Variants in VSIG1 observed in about 807,000 individuals in gnomAD.
VSIG1 encodes V-set and immunoglobulin domain-containing protein 1.
A neutral mutation model predicts 20.1 loss-of-function variants in VSIG1; 11 were observed. The observed-to-expected ratio is 0.55, with a 90% CI of 0.34 to 0.91. VSIG1 has a LOEUF of 0.91. VSIG1 is among the 40% of genes least tolerant of loss of function. The pLI is 0.02. For synonymous variants in VSIG1, 126 were observed against 116.7 expected, an observed-to-expected ratio of 1.08 and a Z score of -0.52; for missense variants, 283 against 298.8, an observed-to-expected ratio of 0.95 and a Z score of 0.39.
chrX:108,022,299 T>C, the VSIG1 span, among the ~76,000 whole-genome samples: 1 of 112,104 alleles, frequency 8.9e-6, no homozygotes, highest in Non-Finnish European at 1.9e-5. Flanking sequence ...ATTTTATTCT[T>C]TTTGATGCTA....
the VSIG1 span, among the ~76,000 whole-genome samples, chrX:108,026,153 A>G: frequency 8.9e-6 from 1 of 112,068 alleles, no homozygotes; most frequent in South Asian, 3.7e-4. Context: ...GACTGGAGAG[A>G]CCAGGTGCAG....
the VSIG1 span, among the ~76,000 whole-genome samples, chrX:108,026,779 C>A: frequency 8.2e-4 from 91 of 111,338 alleles, no homozygotes; most frequent in African/African-American, 2.9e-3. Flanking sequence ...AGAGGAGTTT[C>A]AAGAAGATCA....
rs150378531 is a variant in VSIG1 at position 108,067,226 on chromosome X, C to T, written c.412+92C>T. The T allele has an allele frequency of 5.1e-4, 490 of 957,570 alleles. 5 individuals are homozygous for T. In the East Asian group the frequency reaches 0.013, roughly 26 times the overall value. The allele number at this position is 957,570 out of a possible 1,213,427, so 78.9% of individuals were successfully genotyped here. On this transcript the variant is annotated intron_variant, in intron 3 of 6. Coordinates refer to ENST00000217957, the MANE Select transcript of VSIG1 (RefSeq NM_182607.5). ...GTGAGTTATGATGCCAATTAAGTCT[C>T]TGTAGGTAAATATACTCCCTAATAT...
intron 1 of VSIG1, among the ~76,000 whole-genome samples, chrX:108,051,704 G>A (rs1049773970): frequency 5.4e-5 from 6 of 111,020 alleles, no homozygotes; most frequent in African/African-American, 2.0e-4. Context: ...GGATTTCAAA[G>A]TAGCCATCAT....
chrX:108,062,720 A>T (rs1415641932), intron 2 of VSIG1, among the ~76,000 whole-genome samples: 1 of 111,408 alleles, frequency 9.0e-6, no homozygotes, highest in Admixed American at 9.5e-5. Context: ...ATACAGTCCA[A>T]ATAAAATTCT....
At chrX:108,073,468 G>T in intron 5 of VSIG1, 99 bp downstream of exon 5, 1 of 1,008,237 alleles carries the variant, frequency 9.9e-7, no homozygotes. Context: ...AGTGCTTCCT[G>T]CTTCTCTGGA....
rs1602572862 is a variant in VSIG1, at chrX:108,058,195, A to G, written c.207A>G (p.Pro69=). The part of the protein sequence containing the change: ...WSFFHKKEME[P]ISIYFSQGGQ... ...TCTTCCATAAGAAGGAGATGGAGCC[A>G]ATTTCTGTAAGGACACTTTTTCCTA... The change falls in exon 2 of 7, where the codon CCA becomes CCG. Residue 69 remains proline, a synonymous_variant. Transcript: ENST00000217957. 1 of 1,203,983 alleles carries G rather than the reference A, an allele frequency of 8.3e-7. No individual in the cohort carries two copies. The highest frequency in any genetic ancestry group is 3.0e-5 in the East Asian group (1 of 33,446).
chrX:108,025,070 T>C, the VSIG1 span, among the ~76,000 whole-genome samples: 1 of 111,767 alleles, frequency 8.9e-6, no homozygotes, highest in Non-Finnish European at 1.9e-5. Context: ...ACTATGAATG[T>C]AGAACTGTGT....
At chrX:108,034,107 A>G in the VSIG1 span, among the ~76,000 whole-genome samples, 19 of 110,649 alleles carry the variant, frequency 1.7e-4, no homozygotes, top group African/African-American at 5.6e-4. Context: ...CCTTCCTATC[A>G]GAAGGGCTGA....
chrX:108,052,890 C>T lies in VSIG1; in HGVS notation c.50-5148C>T, dbSNP rs188765696. 1.0e-3 allele frequency among the ~76,000 whole-genome samples: 114 copies of T among 110,231 alleles called. 1 individual carries two copies. Among genetic ancestry groups the T allele is most frequent in the Non-Finnish European group, 1.4e-3 (75 of 52,718 alleles). On this transcript the variant is annotated intron_variant, in intron 1 of 6. Coordinates refer to ENST00000217957, the MANE Select transcript of VSIG1 (RefSeq NM_182607.5). ...GCTCTTTCTCAGTTTTCTTTTTTCC[C>T]CCTTGGAATTATTTTTTGAATAAAA... is the stretch of plus-strand genomic sequence containing the variant.
intron 1 of VSIG1, among the ~76,000 whole-genome samples, chrX:108,055,759 C>T (rs1422857476): frequency 9.0e-6 from 1 of 111,723 alleles, no homozygotes; most frequent in Non-Finnish European, 1.9e-5. Context: ...AATCCAATAC[C>T]CATTCATCAT....
At chrX:108,056,990 A>G (rs1048452149) in intron 1 of VSIG1, among the ~76,000 whole-genome samples, 1 of 112,374 alleles carries the variant, frequency 8.9e-6, no homozygotes, top group East Asian at 2.8e-4. Context: ...AACAGCCCAG[A>G]TGTCCTTAAA....
intron 1 of VSIG1, among the ~76,000 whole-genome samples, chrX:108,047,764 TTC>T (rs1178957774): frequency 0.038 from 2,316 of 61,132 alleles, 77 homozygotes; most frequent in Admixed American, 0.065. Flanking sequence ...ATACAAGACA[TTC>T]TCTCTCTCTC....
At chrX:108,040,556 G>A (rs370905609), upstream of VSIG1, among the ~76,000 whole-genome samples, 263 of 111,398 alleles carry the variant, frequency 2.4e-3, no homozygotes, top group African/African-American at 7.9e-3. Flanking sequence ...CCATTTCTAG[G>A]GACCTAATCT....
At chrX:108,027,441 A>G in the VSIG1 span, among the ~76,000 whole-genome samples, 3 of 112,327 alleles carry the variant, frequency 2.7e-5, no homozygotes, top group Non-Finnish European at 5.6e-5. Context: ...TTTCATTTAC[A>G]TAAAATGTTC....
At chrX:108,058,964 ACGTG>A (rs1407096709) in intron 2 of VSIG1, among the ~76,000 whole-genome samples, 1 of 110,878 alleles carries the variant, frequency 9.0e-6, no homozygotes, top group Non-Finnish European at 1.9e-5. Flanking sequence ...ATGCATATGC[ACGTG>A]CGTGTGTGTG....
chrX:108,047,965 T>TATATATATATACACAC (rs2030684090), intron 1 of VSIG1, among the ~76,000 whole-genome samples: 1 of 18,702 alleles, frequency 5.3e-5, no homozygotes, highest in Non-Finnish European at 1.0e-4. Context: ...CACACACATA[T>TATATATATATACACAC]ATATATATAT....
rs141806173 is a variant in VSIG1 at position 108,071,974 on chromosome X, T to C, written c.413-703T>C. On this transcript the variant is annotated intron_variant, in intron 3 of 6. Transcript: ENST00000217957. ...ATATTTTAAAAAGAATAATAGGTTA[T>C]CTCAGAGTATTTAAGGATTCTATTT... Among the ~76,000 whole-genome samples, 471 of 109,307 alleles carry C rather than the reference T, an allele frequency of 4.3e-3. 2 individuals are homozygous for C. Among genetic ancestry groups the C allele is most frequent in the African/African-American group, 0.014 (434 of 29,996 alleles). The allele number at this position is 109,307 out of a possible 115,157, so 94.9% of individuals were successfully genotyped here. A position where few individuals can be genotyped will look rare whatever the true frequency, so the allele number is the denominator to read the frequency against.
intron 1 of VSIG1, among the ~76,000 whole-genome samples, chrX:108,052,812 A>G (rs953530371): frequency 2.7e-5 from 3 of 111,785 alleles, no homozygotes; most frequent in Non-Finnish European, 5.6e-5. Context: ...AATTTAAAAA[A>G]TACATACTTT....
Sources: gnomAD v4.1 joint callset for allele counts (sites outside exome capture counted in the v4.1 genomes callset) on GRCh38, gnomAD v4.1.1 for gene constraint, MANE v1.5 for transcripts, NCBI Gene and HGNC (gene_info 2026-07-23, HGNC 2026-07-21) for gene names.